The following ZNF568 variants were observed in gnomAD, a reference collection of about 807,000 sequenced individuals.
ZNF568 encodes the protein zinc finger protein 568.
In ZNF568, 11 loss-of-function variants were observed where a neutral mutation model predicts 18.1. The ratio of observed to expected loss-of-function variants is 0.61; its 90% CI spans 0.38 to 1.00. The LOEUF (loss-of-function observed/expected upper bound fraction) is 1.00. Ranked by LOEUF, ZNF568 falls within the 50% of genes least tolerant of loss-of-function variation. ZNF568 has a pLI of 0.01. For missense variants in ZNF568, 639 were observed against 768.2 expected, an observed-to-expected ratio of 0.83 and a Z score of 1.99; for synonymous variants, 213 against 246.6, an observed-to-expected ratio of 0.86 and a Z score of 1.28.
At chr19:36,996,366 T>A in exon 5 of ZNF568, 1 of 1,534,306 alleles carries the variant, frequency 6.5e-7, no homozygotes. Flanking sequence ...AGGAAAACAT[T>A]TATGAAATTA....
At chr19:36,972,859 T>G (rs60418129) in intron 6 of ZNF568, among the ~76,000 whole-genome samples, 2,005 of 152,338 alleles carry the variant, frequency 0.013, 47 homozygotes, top group African/African-American at 0.045. Flanking sequence ...GCAGCCGGGT[T>G]AACTTCGCGG....
chr19:36,940,056 T>C (rs1045506980), intron 6 of ZNF568, among the ~76,000 whole-genome samples: 3 of 152,202 alleles, frequency 2.0e-5, no homozygotes, highest in African/African-American at 7.2e-5. Flanking sequence ...CCTTGTGAAA[T>C]ATCTTTTACA....
At chr19:36,993,985 A>T (rs1200378499) in intron 4 of ZNF568, among the ~76,000 whole-genome samples, 1 of 147,766 alleles carries the variant, frequency 6.8e-6, no homozygotes, top group Non-Finnish European at 1.5e-5. Context: ...TCCTTAAGAT[A>T]TACAGTTAGA....
chr19:36,932,160 A>G (rs2073697760), intron 4 of ZNF568, among the ~76,000 whole-genome samples: 1 of 152,332 alleles, frequency 6.6e-6, no homozygotes, highest in South Asian at 2.1e-4. Context: ...CTTTTAGGCT[A>G]TTATGAATAA....
At chr19:36,927,897 ATATATATTTTTTTTTTTTTTTTT>A (rs2073604731) in intron 4 of ZNF568, among the ~76,000 whole-genome samples, 3 of 24,740 alleles carry the variant, frequency 1.2e-4, no homozygotes, top group African/African-American at 7.5e-4. Context: ...TTATATATAT[ATATATATTTTTTTTTTTTTTTTT>A]TTTTTTTTTT....
Position 36,964,363 on chromosome 19 carries a change from C to T in ZNF568, c.359-10057C>T, listed in dbSNP as rs2074178205. ...TATTACTTTCTTGTTACATAGTGGA[C>T]AGTAACTTTGTAAGATCTCCTGGTG... On this transcript the variant is annotated intron_variant, in intron 6 of 7. Coordinates refer to the ZNF568 transcript ENST00000427117. Among the ~76,000 whole-genome samples the T allele has an allele frequency of 3.9e-5, 6 of 152,180 alleles. No homozygotes were observed. In the South Asian group the frequency reaches 1.0e-3, roughly 26 times the overall value.
chr19:36,920,619 TA>T (rs35877781), intron 2 of ZNF568, among the ~76,000 whole-genome samples: 325 of 139,578 alleles, frequency 2.3e-3, no homozygotes, highest in East Asian at 3.4e-3. Context: ...AGACTCCATC[TA>T]AAAAAAAAAA....
At chr19:36,996,288 C>G in intron 4 of ZNF568, 4 of 1,454,410 alleles carry the variant, frequency 2.8e-6, no homozygotes, top group South Asian at 1.3e-5. Flanking sequence ...GTGAAAATAC[C>G]TCCTATTTTC....
chr19:36,939,424 A>C (rs1333905222), intron 6 of ZNF568, among the ~76,000 whole-genome samples: 1 of 151,174 alleles, frequency 6.6e-6, no homozygotes, highest in Non-Finnish European at 1.5e-5. Flanking sequence ...AGGAACTGCT[A>C]TCTCTGGGTT....
chr19:36,936,165 C>G (rs1240042557), intron 4 of ZNF568, among the ~76,000 whole-genome samples: 1 of 152,040 alleles, frequency 6.6e-6, no homozygotes, highest in African/African-American at 2.4e-5. Context: ...TTATCAGAAC[C>G]TACTTCAGAT....
At chr19:36,995,936 A>G (rs1275529516) in intron 4 of ZNF568, among the ~76,000 whole-genome samples, 1 of 152,188 alleles carries the variant, frequency 6.6e-6, no homozygotes, top group Non-Finnish European at 1.5e-5. Context: ...CTATATCCGA[A>G]TCTCTGAAAC....
chr19:36,997,577 G>A (rs752252615), downstream of ZNF568: 3 of 1,577,242 alleles, frequency 1.9e-6, no homozygotes, highest in Non-Finnish European at 2.6e-6. Context: ...AAGCCCTTTG[G>A]TGGTGGCTCA....
intron 6 of ZNF568, among the ~76,000 whole-genome samples, chr19:36,948,350 G>C (rs826298): frequency 0.56 from 85,408 of 152,050 alleles, 24,896 homozygotes; most frequent in African/African-American, 0.69. Flanking sequence ...TCTAGATGTA[G>C]CACAGTTTAT....
At chr19:36,967,976 T>G (rs189501252) in intron 6 of ZNF568, among the ~76,000 whole-genome samples, 91 of 152,328 alleles carry the variant, frequency 6.0e-4, no homozygotes, top group Admixed American at 5.8e-3. Context: ...AACAGTGGTG[T>G]TGTAGTTTCT....
intron 2 of ZNF568, among the ~76,000 whole-genome samples, chr19:36,989,761 G>A (rs2074407932): frequency 1.3e-5 from 2 of 151,916 alleles, no homozygotes; most frequent in Non-Finnish European, 2.9e-5. Context: ...CACTGTGTTG[G>A]TCTTGAACTC....
At chr19:36,993,580 G>A (rs549182980) in intron 4 of ZNF568, among the ~76,000 whole-genome samples, 1 of 152,092 alleles carries the variant, frequency 6.6e-6, no homozygotes, top group East Asian at 1.9e-4. Flanking sequence ...TCTTTATTTG[G>A]TATAGGTCTA....
intron 4 of ZNF568, among the ~76,000 whole-genome samples, chr19:36,928,330 T>TTA (rs2073620228): frequency 6.6e-6 from 1 of 152,168 alleles, no homozygotes. Context: ...AAAATTTTTT[T>TTA]AACTCAGAAC....
Position 36,970,376 on chromosome 19 carries a change from C to T in ZNF568, c.359-4044C>T, listed in dbSNP as rs1186377968. ...CTTTTCTTTCTTTTGGAGACAGTCT[C>T]GCTCTGTCGCCCAGGCTGGAGTGCA... On this transcript the variant is annotated intron_variant, in intron 6 of 7. Coordinates refer to the ZNF568 transcript ENST00000427117. 4.2e-5 allele frequency among the ~76,000 whole-genome samples: 6 copies of T among 141,680 alleles called. 1 individual carries two copies. Among genetic ancestry groups the T allele is most frequent in the Non-Finnish European group, 7.7e-5 (5 of 64,550 alleles). The allele number at this position is 141,680 out of a possible 152,430, so 92.9% of individuals were successfully genotyped here. A position where few individuals can be genotyped will look rare whatever the true frequency, so the allele number is the denominator to read the frequency against.
At position 36,977,335 on chromosome 19, in the gene ZNF568, T is replaced by C. The variant is rs140353098; in HGVS notation, c.406-1669T>C. ...TCCAAATTTGGAGTGTTTATTTAGA[T>C]TTTTTATGCAACTTTGGAGTAATAT... On this transcript the variant is annotated intron_variant, in intron 7 of 7. Coordinates refer to the ZNF568 transcript ENST00000427117. Among the ~76,000 whole-genome samples, 942 of 152,296 alleles carry C rather than the reference T, an allele frequency of 6.2e-3. 28 individuals carry two copies. Among genetic ancestry groups the C allele is most frequent in the East Asian group, 0.05 (258 of 5,188 alleles).
Sources: allele counts gnomAD v4.1 joint callset (sites outside exome capture counted in the v4.1 genomes callset), GRCh38; gene constraint gnomAD v4.1.1; transcripts MANE v1.5; gene names NCBI Gene and HGNC (gene_info 2026-07-23, HGNC 2026-07-21).